STAC: variants seen among roughly 807,000 people sequenced by gnomAD.
STAC encodes SH3 and cysteine-rich domain-containing protein.
Under a neutral mutation model 48.8 loss-of-function variants are expected in STAC, and 43 were observed. The observed-to-expected ratio is 0.88, with a 90% CI of 0.69 to 1.14. STAC has a LOEUF of 1.14. Among genes scored for constraint, STAC ranks in the 50% most tolerant of loss-of-function variants. The probability of loss-of-function intolerance (pLI) is 0.00; values close to 1 mark genes in which losing one functional copy is unlikely to be tolerated. For missense variants in STAC, 497 were observed against 504.0 expected (o/e 0.99, Z 0.13); for synonymous variants, 193 against 179.5 (o/e 1.07, Z -0.60).
chr3:36,446,675 T>G (rs1257951025), intron 2 of STAC, among the ~76,000 whole-genome samples: 1 of 152,234 alleles, frequency 6.6e-6, no homozygotes, highest in Non-Finnish European at 1.5e-5. Flanking sequence ...ACTAACTCAA[T>G]GCATGAGTCT....
chr3:36,545,793 C>T (rs1699430828), intron 10 of STAC, among the ~76,000 whole-genome samples: 1 of 152,156 alleles, frequency 6.6e-6, no homozygotes, highest in Non-Finnish European at 1.5e-5. Context: ...CAGGAGTCTG[C>T]TGAATGATAG....
At chr3:36,497,026 A>T (rs1011619833) in intron 6 of STAC, among the ~76,000 whole-genome samples, 20 of 120,066 alleles carry the variant, frequency 1.7e-4, no homozygotes, top group African/African-American at 2.9e-4. Flanking sequence ...ATTTTATTCT[A>T]AAAAAAAAAA....
At chr3:36,529,728 T>G (rs1699020646) in intron 10 of STAC, among the ~76,000 whole-genome samples, 1 of 152,198 alleles carries the variant, frequency 6.6e-6, no homozygotes, top group African/African-American at 2.4e-5. Flanking sequence ...TTCCTGTCTT[T>G]GTCTTCCAGC....
intron 2 of STAC, among the ~76,000 whole-genome samples, chr3:36,456,230 T>C (rs907294433): frequency 1.3e-5 from 2 of 152,056 alleles, no homozygotes; most frequent in African/African-American, 4.8e-5. Context: ...TAAAGAGAAG[T>C]GCCAAGAATC....
At chr3:36,478,840 C>G (rs1041116232) in intron 2 of STAC, among the ~76,000 whole-genome samples, 1 of 152,158 alleles carries the variant, frequency 6.6e-6, no homozygotes, top group Non-Finnish European at 1.5e-5. Flanking sequence ...CCAGACTGGT[C>G]TCTAACTCCT....
chr3:36,428,703 C>T (rs1320011737), intron 1 of STAC, among the ~76,000 whole-genome samples: 3 of 152,116 alleles, frequency 2.0e-5, no homozygotes, highest in Admixed American at 6.5e-5. Context: ...AAGGCCCTGA[C>T]GTAGCAGTTT....
intron 8 of STAC, among the ~76,000 whole-genome samples, chr3:36,526,175 C>T (rs959025828): frequency 2.6e-5 from 4 of 152,076 alleles, no homozygotes; most frequent in Non-Finnish European, 4.4e-5. Context: ...TAAAGAGACC[C>T]GGAATGCACA....
chr3:36,431,295 G>A (rs981119528), intron 1 of STAC, among the ~76,000 whole-genome samples: 1 of 152,112 alleles, frequency 6.6e-6, no homozygotes, highest in Non-Finnish European at 1.5e-5. Context: ...ACACCAGTGT[G>A]GTCCCTGGGA....
chr3:36,536,233 GA>G (rs1035077010), intron 10 of STAC, among the ~76,000 whole-genome samples: 4 of 150,182 alleles, frequency 2.7e-5, no homozygotes, highest in Admixed American at 6.6e-5. Context: ...CACAGAATTA[GA>G]AAAAAAAACT....
intron 2 of STAC, among the ~76,000 whole-genome samples, chr3:36,482,008 C>T (rs1404816129): frequency 6.6e-6 from 1 of 152,196 alleles, no homozygotes; most frequent in Non-Finnish European, 1.5e-5. Flanking sequence ...CTCTCCACTA[C>T]CTCACCTTTC....
At chr3:36,410,167 T>C (rs1700164685) in intron 1 of STAC, among the ~76,000 whole-genome samples, 1 of 151,876 alleles carries the variant, frequency 6.6e-6, no homozygotes, top group South Asian at 2.1e-4. Context: ...AGACAGGAAG[T>C]GAGGGAATAA....
chr3:36,490,432 A>T, intron 5 of STAC, among the ~76,000 whole-genome samples: 1 of 152,110 alleles, frequency 6.6e-6, no homozygotes, highest in Non-Finnish European at 1.5e-5. Context: ...GAGTAGAGAG[A>T]TCTCTGTCCA....
At chr3:36,518,549 G>C (rs577427970) in intron 8 of STAC, among the ~76,000 whole-genome samples, 1 of 152,022 alleles carries the variant, frequency 6.6e-6, no homozygotes, top group Non-Finnish European at 1.5e-5. Context: ...CCTAAATTTG[G>C]GGGGCTTCAA....
chr3:36,486,177 C>A lies in STAC; in HGVS notation c.615C>A (p.Phe205Leu). ...KVDPVYETLRFGTSLAQRTKK... is the reference protein window; with the variant it reads ...KVDPVYETLRLGTSLAQRTKK... ...ACCCTGTCTACGAGACCCTCCGCTT[C>A]GGCACCTCCCTGGCCCAGAGGACAA... Residue 205 changes from phenylalanine (F) to leucine (L), a missense_variant, in exon 5 of 11, where the codon TTC becomes TTA. By Grantham distance (22) the Phe-to-Leu change is conservative. Coordinates refer to ENST00000273183, the MANE Select transcript of STAC (RefSeq NM_003149.3). 1 of 1,613,982 alleles carries A rather than the reference C, an allele frequency of 6.2e-7. No individual in the cohort carries two copies. Among genetic ancestry groups the A allele is most frequent in the Non-Finnish European group, 8.5e-7 (1 of 1,179,934 alleles).
intron 2 of STAC, among the ~76,000 whole-genome samples, chr3:36,481,712 CT>C (rs1442383401): frequency 6.6e-6 from 1 of 152,202 alleles, no homozygotes; most frequent in East Asian, 1.9e-4. Context: ...CTCACCAACC[CT>C]TTTCCTAACA....
At chr3:36,492,031 A>AAAATATATATAT (rs1553639882) in intron 5 of STAC, among the ~76,000 whole-genome samples, 1 of 16,440 alleles carries the variant, frequency 6.1e-5, no homozygotes, top group Non-Finnish European at 1.2e-4. Context: ...AAAAAAAAAA[A>AAAATATATATAT]ATATATATAT....
At chr3:36,398,764 C>G (rs1011348449) in intron 1 of STAC, among the ~76,000 whole-genome samples, 18 of 151,982 alleles carry the variant, frequency 1.2e-4, no homozygotes, top group African/African-American at 4.4e-4. Flanking sequence ...AACAGTCACC[C>G]ATCAGATCAT....
intron 2 of STAC, among the ~76,000 whole-genome samples, chr3:36,481,780 C>A (rs1697653816): frequency 6.6e-6 from 1 of 152,310 alleles, no homozygotes; most frequent in African/African-American, 2.4e-5. Context: ...GCTGACAGGA[C>A]CCCTGGCCAC....
chr3:36,383,159 C>G (rs1327208495), intron 1 of STAC, among the ~76,000 whole-genome samples: 1 of 152,250 alleles, frequency 6.6e-6, no homozygotes, highest in East Asian at 1.9e-4. Context: ...TATCTCATGT[C>G]TTTTTAAATC....
Sources: allele counts gnomAD v4.1 joint callset (sites outside exome capture counted in the v4.1 genomes callset), GRCh38; gene constraint gnomAD v4.1.1; transcripts MANE v1.5; gene names NCBI Gene and HGNC (gene_info 2026-07-23, HGNC 2026-07-21).